The following NIN variants were observed in gnomAD, a reference collection of about 807,000 sequenced individuals.
NIN encodes the protein ninein.
In NIN, 137 loss-of-function variants were observed where a neutral mutation model predicts 257.6. That is an observed-to-expected ratio of 0.53 (90% CI 0.46 to 0.61). The LOEUF is 0.61. NIN is among the 20% of genes least tolerant of loss of function. The probability of loss-of-function intolerance (pLI) is 0.00; values close to 1 mark genes in which losing one functional copy is unlikely to be tolerated. For missense variants in NIN, 2,439 were observed against 2,501.2 expected (o/e 0.98, Z 0.53); for synonymous variants, 918 against 919.8 (o/e 1.00, Z 0.04).
chr14:50,831,089 G>A lies in NIN; in HGVS notation c.-159C>T, dbSNP rs994791073. ...CCGGGCTTGGCGGCGGCAGCGGGAC[G>A]GCCGCGCCCAGCGCGCTCGGCTCCC... is the stretch of plus-strand genomic sequence containing the variant. On this transcript the variant is annotated 5_prime_UTR_variant, in exon 1 of 31. Transcript: ENST00000530997. 1 of 149,794 alleles carries A rather than the reference G, an allele frequency of 6.7e-6. No homozygotes were observed. Among genetic ancestry groups the A allele is most frequent in the Non-Finnish European group, 1.5e-5 (1 of 67,204 alleles). The allele number at this position is 149,794 out of a possible 1,614,324, so 9.3% of individuals were successfully genotyped here.
Position 50,758,049 on chromosome 14 carries a change from T to G in NIN, c.2981A>C (p.His994Pro), listed in dbSNP as rs747554822. 2.7e-5 allele frequency: 43 copies of G among 1,614,152 alleles called. 1 individual carries two copies. In the South Asian group the frequency reaches 4.0e-4, roughly 15 times the overall value. ...ATCTGCTGTCTCACAGGTCGCTTTG[T>G]GAATGTTCTCCATGGCTAGAAGCTT... ...MSKLLAMENI[H>P]KATCETADRE... The change falls in exon 18 of 31, where the codon CAC (histidine) becomes CCC (proline). Residue 994 changes from histidine (H) to proline (P), a missense_variant. By Grantham distance (77) the His-to-Pro change is moderately conservative. Coordinates refer to ENST00000530997, the MANE Select transcript of NIN (RefSeq NM_020921.4).
At chr14:50,725,714 T>C (rs750052925) in intron 30 of NIN, 2 of 625,748 alleles carry the variant, frequency 3.2e-6, no homozygotes, top group Non-Finnish European at 5.5e-6. Context: ...TTAGCAAAGA[T>C]TTACACTTTT....
intron 29 of NIN, chr14:50,727,496 T>A: frequency 8.4e-7 from 1 of 1,196,230 alleles, no homozygotes; most frequent in East Asian, 4.1e-5. Context: ...ATTCACAAGA[T>A]CTGTCATTTC....
chr14:50,808,723 CAG>C (rs1317956886), intron 3 of NIN, among the ~76,000 whole-genome samples: 3 of 152,304 alleles, frequency 2.0e-5, no homozygotes, highest in Admixed American at 1.3e-4. Context: ...GGAAATGTCA[CAG>C]AGAGTCCAGG....
At chr14:50,752,772 C>G (rs2041843458) in intron 20 of NIN, 39 bp from the exon 21 acceptor site, 2 of 1,132,870 alleles carry the variant, frequency 1.8e-6, no homozygotes, top group Non-Finnish European at 2.5e-6. Flanking sequence ...ACTTGTTACC[C>G]TACTTGTGCT....
Position 50,723,472 on chromosome 14 carries a change from C to T in NIN, c.6393G>A (p.Leu2131=). 1.9e-6 allele frequency: 3 copies of T among 1,612,224 alleles called. No homozygotes were observed. Among genetic ancestry groups the T allele is most frequent in the Non-Finnish European group, 2.5e-6 (3 of 1,179,688 alleles). ...TPAPLTSTPP[L]RS ...GTACCCTTTGGTTTGGCTATGACCT[C>T]AAAGGAGGTGTAGAAGTCAATGGCG... is the stretch of plus-strand genomic sequence containing the variant. The change falls in exon 31 of 31, where the codon TTG becomes TTA. Residue 2131 remains leucine, a synonymous_variant. Coordinates refer to ENST00000530997, the MANE Select transcript of NIN (RefSeq NM_020921.4).
rs2040266067 is a variant in NIN, at chr14:50,721,318, A to G, written c.*2145T>C. On this transcript the variant is annotated 3_prime_UTR_variant, in exon 31 of 31. Transcript: ENST00000530997. ...TATTTACATTCATTGTACATTTTAT[A>G]TACACATAAATACAAATTTATAGGA... is the stretch of plus-strand genomic sequence containing the variant. 4.9e-6 allele frequency: 1 copy of G among 205,672 alleles called. No individual in the cohort carries two copies. The highest frequency in any genetic ancestry group is 1.9e-4 in the South Asian group (1 of 5,320). 12.7% of individuals were successfully genotyped at this position (205,672 alleles called of 1,614,324 possible).
chr14:50,784,573 A>G (rs200580442), intron 5 of NIN, among the ~76,000 whole-genome samples: 2 of 152,332 alleles, frequency 1.3e-5, no homozygotes, highest in East Asian at 3.9e-4. Context: ...GGGCAGAAAA[A>G]ACAGCAGACA....
intron 14 of NIN, 122 bp downstream of exon 14, chr14:50,766,185 A>T: frequency 2.8e-6 from 2 of 707,764 alleles, no homozygotes; most frequent in Non-Finnish European, 4.9e-6. Flanking sequence ...CATTTTATGC[A>T]TGAGGAATGG....
At chr14:50,742,443 G>C (rs1595740295) in intron 24 of NIN, 2 of 149,478 alleles carry the variant, frequency 1.3e-5, no homozygotes, top group African/African-American at 5.0e-5. Context: ...GCCCAGGCTA[G>C]AGTGCAGTGG....
At chr14:50,831,486 TCTTCGCGCAGAGGAAGGGCCCCCGC>T (rs984781527), upstream of NIN, among the ~76,000 whole-genome samples, 40 of 152,120 alleles carry the variant, frequency 2.6e-4, no homozygotes, top group Non-Finnish European at 4.9e-4. Flanking sequence ...GGCCGCAGCG[TCTTCGCGCAGAGGAAGGGCCCCCGC>T]CTTCAGCAAG....
At chr14:50,737,639 T>C (rs2041054750) in intron 27 of NIN, among the ~76,000 whole-genome samples, 1 of 135,590 alleles carries the variant, frequency 7.4e-6, no homozygotes, top group Non-Finnish European at 1.5e-5. Context: ...TGTGGTTTTT[T>C]GTTGTTGTTT....
intron 5 of NIN, among the ~76,000 whole-genome samples, chr14:50,790,033 CA>C (rs2043519147): frequency 6.6e-6 from 1 of 152,174 alleles, no homozygotes; most frequent in South Asian, 2.1e-4. Context: ...CCAACAGGAA[CA>C]TCGAAAATGT....
At chr14:50,747,924 C>A in intron 22 of NIN, 68 bp downstream of exon 22, 2 of 1,029,444 alleles carry the variant, frequency 1.9e-6, no homozygotes, top group Non-Finnish European at 3.0e-6. Context: ...GTTAGAAATA[C>A]CAGCCCAACA....
At chr14:50,727,660 A>C in intron 29 of NIN, 1 of 1,442,496 alleles carries the variant, frequency 6.9e-7, no homozygotes, top group Middle Eastern at 1.9e-4. Context: ...CTGCCATGGT[A>C]AGAAATGCCA....
At chr14:50,728,406 C>T (rs2040520592) in intron 29 of NIN, among the ~76,000 whole-genome samples, 1 of 152,132 alleles carries the variant, frequency 6.6e-6, no homozygotes, top group Non-Finnish European at 1.5e-5. Context: ...AGAAATACAG[C>T]ATAGGTACAT....
At chr14:50,784,369 G>T (rs1486799874) in intron 5 of NIN, among the ~76,000 whole-genome samples, 3 of 152,318 alleles carry the variant, frequency 2.0e-5, no homozygotes, top group South Asian at 4.1e-4. Context: ...CTTACTCGTG[G>T]TGTGACCTTG....
intron 4 of NIN, chr14:50,794,501 T>A: frequency 1.0e-6 from 1 of 997,638 alleles, no homozygotes; most frequent in Non-Finnish European, 1.2e-6. Context: ...CCGAGCTACT[T>A]GTTGGCAGCT....
At chr14:50,735,417 C>T (rs1882714908) in intron 28 of NIN, 99 bp downstream of exon 28, 1 of 1,453,238 alleles carries the variant, frequency 6.9e-7, no homozygotes, top group African/African-American at 1.4e-5. Context: ...TAGATTTTCA[C>T]AACGGGAATT....
Sources: gnomAD v4.1 joint callset for allele counts (sites outside exome capture counted in the v4.1 genomes callset) on GRCh38, gnomAD v4.1.1 for gene constraint, MANE v1.5 for transcripts, NCBI Gene and HGNC (gene_info 2026-07-23, HGNC 2026-07-21) for gene names.